Variants in ZNF516 observed in about 807,000 individuals in gnomAD.
ZNF516 encodes the protein zinc finger protein 516.
In ZNF516, 19 loss-of-function variants were observed where a neutral mutation model predicts 79.7. That is an observed-to-expected ratio of 0.24 (90% CI 0.17 to 0.35). The LOEUF is 0.35. ZNF516 is among the 10% of genes least tolerant of loss of function. The pLI, the probability that ZNF516 is intolerant of heterozygous loss-of-function variation, is 1.00. For missense variants in ZNF516, 1,678 were observed against 1,679.5 expected (o/e 1.00, Z 0.02); for synonymous variants, 877 against 739.5 (o/e 1.19, Z -3.02).
chr18:76,469,456 T>C (rs894830674), intron 1 of ZNF516, among the ~76,000 whole-genome samples: 16 of 152,164 alleles, frequency 1.1e-4, no homozygotes, highest in African/African-American at 3.9e-4. Flanking sequence ...CCTTTCTACA[T>C]TGAAATAACC....
intron 3 of ZNF516, among the ~76,000 whole-genome samples, chr18:76,438,642 G>C (rs546048001): frequency 6.6e-6 from 1 of 152,158 alleles, no homozygotes; most frequent in East Asian, 1.9e-4. Context: ...ACACTTTCCA[G>C]AGGAATAGAT....
intron 4 of ZNF516, among the ~76,000 whole-genome samples, chr18:76,377,075 G>A (rs1212714010): frequency 6.6e-6 from 1 of 152,254 alleles, no homozygotes; most frequent in African/African-American, 2.4e-5. Context: ...AAACCCTGCT[G>A]ACGCTGAGGG....
chr18:76,491,884 T>C (rs970173080), intron 1 of ZNF516, among the ~76,000 whole-genome samples: 20 of 151,514 alleles, frequency 1.3e-4, no homozygotes, highest in African/African-American at 1.9e-4. Context: ...GCTCCTGAGA[T>C]TGGGGAGGGG....
At chr18:76,372,363 G>A (rs989237883) in intron 4 of ZNF516, among the ~76,000 whole-genome samples, 1 of 152,314 alleles carries the variant, frequency 6.6e-6, no homozygotes, top group Middle Eastern at 3.4e-3. Context: ...TGTGCTGGCA[G>A]CTCCAAAGAA....
intron 2 of ZNF516, among the ~76,000 whole-genome samples, chr18:76,447,216 C>CA (rs944950701): frequency 2.0e-5 from 3 of 152,242 alleles, no homozygotes; most frequent in African/African-American, 4.8e-5. Flanking sequence ...CTTCCAACTT[C>CA]AAAACACGCC....
upstream of ZNF516, chr18:76,496,375 C>T (rs1915485536): frequency 3.1e-6 from 4 of 1,289,570 alleles, no homozygotes; most frequent in African/African-American, 3.0e-5. Flanking sequence ...TAGCAATCAG[C>T]GCTGCAATCC....
intron 3 of ZNF516, among the ~76,000 whole-genome samples, chr18:76,429,570 G>A (rs1385517076): frequency 6.6e-6 from 1 of 152,174 alleles, no homozygotes; most frequent in East Asian, 1.9e-4. Context: ...GAGGGTGTGG[G>A]TGACCCTGGA....
At chr18:76,476,750 T>C (rs1382001033) in intron 1 of ZNF516, among the ~76,000 whole-genome samples, 2 of 152,222 alleles carry the variant, frequency 1.3e-5, no homozygotes, top group Non-Finnish European at 2.9e-5. Flanking sequence ...CCTTCATTTA[T>C]TGTAATACTG....
chr18:76,404,285 G>A (rs1568264054), intron 3 of ZNF516, among the ~76,000 whole-genome samples: 2 of 152,240 alleles, frequency 1.3e-5, no homozygotes, highest in Non-Finnish European at 2.9e-5. Flanking sequence ...TGGGGGAGAC[G>A]ACGTGATCCC....
At chr18:76,483,575 C>T (rs989435378) in intron 1 of ZNF516, among the ~76,000 whole-genome samples, 3 of 152,166 alleles carry the variant, frequency 2.0e-5, no homozygotes, top group East Asian at 3.8e-4. Flanking sequence ...CTGGCCCACC[C>T]GCATTTCATC....
intron 3 of ZNF516, among the ~76,000 whole-genome samples, chr18:76,381,696 G>A (rs1345201498): frequency 6.6e-6 from 1 of 152,342 alleles, no homozygotes; most frequent in South Asian, 2.1e-4. Context: ...GGCAGTTAGT[G>A]CGCAATTCAT....
At chr18:76,391,044 G>A (rs2075065285) in intron 3 of ZNF516, among the ~76,000 whole-genome samples, 1 of 152,096 alleles carries the variant, frequency 6.6e-6, no homozygotes, top group Non-Finnish European at 1.5e-5. Context: ...GGGCCACGAG[G>A]GAAGGAACCC....
At chr18:76,389,865 G>C (rs9972977) in intron 3 of ZNF516, among the ~76,000 whole-genome samples, 13,177 of 152,222 alleles carry the variant, frequency 0.087, 1,385 homozygotes, top group African/African-American at 0.25. Flanking sequence ...CTGGAGAAAA[G>C]GCTGTTTCCT....
intron 3 of ZNF516, among the ~76,000 whole-genome samples, chr18:76,399,551 A>G (rs2075190770): frequency 6.6e-6 from 1 of 152,256 alleles, no homozygotes; most frequent in African/African-American, 2.4e-5. Context: ...TATGTTAGTC[A>G]TTTAGTAACT....
chr18:76,437,129 C>G (rs980784470), intron 3 of ZNF516, among the ~76,000 whole-genome samples: 33 of 151,856 alleles, frequency 2.2e-4, no homozygotes, highest in Non-Finnish European at 2.1e-4. Context: ...CTAAGCTATT[C>G]TAATTGCTGT....
At chr18:76,377,574 G>C (rs2074808085) in intron 4 of ZNF516, among the ~76,000 whole-genome samples, 1 of 152,222 alleles carries the variant, frequency 6.6e-6, no homozygotes. Context: ...TCCCACGGTG[G>C]ATCTGGGGAG....
At chr18:76,385,217 A>G (rs533757492) in intron 3 of ZNF516, among the ~76,000 whole-genome samples, 1 of 152,350 alleles carries the variant, frequency 6.6e-6, no homozygotes, top group African/African-American at 2.4e-5. Context: ...ACCTTCCTAG[A>G]TGTGTCTTGG....
At chr18:76,402,447 A>G (rs1025432177) in intron 3 of ZNF516, among the ~76,000 whole-genome samples, 3 of 152,038 alleles carry the variant, frequency 2.0e-5, no homozygotes, top group African/African-American at 7.3e-5. Context: ...CACAGCTGAG[A>G]ACCCGGACCT....
chr18:76,405,861 C>T (rs1045416471), intron 3 of ZNF516, among the ~76,000 whole-genome samples: 24 of 152,080 alleles, frequency 1.6e-4, no homozygotes, highest in African/African-American at 5.8e-4. Context: ...CTTTGGAATC[C>T]CGCCGCCCCG....
Sources: allele counts gnomAD v4.1 joint callset (sites outside exome capture counted in the v4.1 genomes callset), GRCh38; gene constraint gnomAD v4.1.1; transcripts MANE v1.5; gene names NCBI Gene and HGNC (gene_info 2026-07-23, HGNC 2026-07-21).